Variants in CWC22 observed in about 807,000 individuals in gnomAD.
CWC22 encodes the protein CWC22 spliceosome associated protein.
A neutral mutation model predicts 117.2 loss-of-function variants in CWC22; 53 were observed. The ratio of observed to expected loss-of-function variants is 0.45; its 90% CI spans 0.36 to 0.57. The LOEUF (loss-of-function observed/expected upper bound fraction) is 0.57, where lower values mean the gene tolerates loss of function less well. Among genes scored for constraint, CWC22 ranks in the 20% least tolerant of loss-of-function variants. The probability of loss-of-function intolerance (pLI) is 0.00; values close to 1 mark genes in which losing one functional copy is unlikely to be tolerated. For synonymous variants in CWC22, 360 were observed against 355.6 expected (o/e 1.01, Z -0.14); for missense variants, 980 against 1,068.8 (o/e 0.92, Z 1.16).
In CWC22 at chr2:179,954,247, C is replaced by T. The variant is rs1382473175; in HGVS notation, c.1647G>A (p.Lys549=). The T allele has an allele frequency of 6.2e-7, 1 of 1,612,046 alleles. No individual in the cohort carries two copies. Among genetic ancestry groups the T allele is most frequent in the Non-Finnish European group, 8.5e-7 (1 of 1,178,694 alleles). ...CAGTGTATAAAAGGTGAGCAAACAT[C>T]TTAGCAACATTTCGCAACTTGTTTG... ...LETNKLRNVA[K]MFAHLLYTDS... The change falls in exon 16 of 20, where the codon AAG becomes AAA. Residue 549 remains lysine, a synonymous_variant. Transcript: ENST00000410053.
chr2:179,967,422 C>T (rs1686919779), intron 11 of CWC22, among the ~76,000 whole-genome samples: 1 of 152,178 alleles, frequency 6.6e-6, no homozygotes, highest in Non-Finnish European at 1.5e-5. Flanking sequence ...TCGGGGATCA[C>T]TGAGACCTGT....
At chr2:179,965,820 A>G in intron 12 of CWC22, 58 bp downstream of exon 12, 1 of 1,246,492 alleles carries the variant, frequency 8.0e-7, no homozygotes, top group Admixed American at 2.1e-5. Context: ...TTAGAAGATT[A>G]CATTAGAATT....
At chr2:179,992,168 T>C (rs1397948129) in intron 2 of CWC22, among the ~76,000 whole-genome samples, 1 of 152,188 alleles carries the variant, frequency 6.6e-6, no homozygotes, top group East Asian at 1.9e-4. Context: ...AAAAATACAG[T>C]TCCCCCTTTA....
intron 13 of CWC22, among the ~76,000 whole-genome samples, chr2:179,963,468 G>A (rs377433354): frequency 1.4e-5 from 2 of 138,924 alleles, no homozygotes; most frequent in Non-Finnish European, 3.0e-5. Flanking sequence ...TCAGCCTCCC[G>A]AGTAGCTGGG....
chr2:179,953,179 T>C (rs1043249627), intron 16 of CWC22, among the ~76,000 whole-genome samples: 18 of 152,022 alleles, frequency 1.2e-4, no homozygotes, highest in African/African-American at 3.9e-4. Context: ...CACTTCATTT[T>C]CTCAAAGAGG....
In CWC22 at chr2:179,970,577, A is replaced by C. The variant is rs1425335546; in HGVS notation, c.1148-14T>G. On this transcript the variant is annotated splice_polypyrimidine_tract_variant and intron_variant, in intron 10 of 19. Coordinates refer to ENST00000410053, the MANE Select transcript of CWC22 (RefSeq NM_020943.3). ...TCTTGAAAACATCTAAAAAAAATGT[A>C]AAAGTTAATGTTTATTTTCTATATT... 6.4e-6 allele frequency: 10 copies of C among 1,551,658 alleles called. No individual in the cohort carries two copies. In the African/African-American group the frequency reaches 1.1e-4, roughly 17 times the overall value.
chr2:179,992,429 C>T lies in CWC22; in HGVS notation c.27+886G>A, dbSNP rs569700088. On this transcript the variant is annotated intron_variant, in intron 2 of 19. Coordinates refer to ENST00000410053, the MANE Select transcript of CWC22 (RefSeq NM_020943.3). ...CCAGGCACACTCTTTCCCCAGATAT[C>T]GGCATAGTTAACTCTTACATTTTCA... is the stretch of plus-strand genomic sequence containing the variant. Among the ~76,000 whole-genome samples the T allele has an allele frequency of 5.3e-5, 8 of 152,224 alleles. No individual in the cohort carries two copies. In the South Asian group the frequency reaches 1.0e-3, roughly 20 times the overall value.
chr2:180,005,178 G>A (rs1687941093), intron 1 of CWC22, among the ~76,000 whole-genome samples: 2 of 152,180 alleles, frequency 1.3e-5, no homozygotes, highest in Admixed American at 1.3e-4. Context: ...CAATACACCA[G>A]TGTATTAGAT....
At chr2:180,000,964 A>G (rs1486319831) in intron 1 of CWC22, among the ~76,000 whole-genome samples, 1 of 152,212 alleles carries the variant, frequency 6.6e-6, no homozygotes, top group African/African-American at 2.4e-5. Context: ...AAGTAACCAA[A>G]TAAAGAGTTA....
Position 179,973,768 on chromosome 2 carries a change from T to A in CWC22, c.616A>T (p.Ser206Cys). The change falls in exon 7 of 20, where the codon AGT (serine) becomes TGT (cysteine). Residue 206 changes from serine (S) to cysteine (C), a missense_variant. Transcript: ENST00000410053. Reference sequence around the variant, plus strand: ...ACATGGGTGAAGATTGGAGAAGCACTCTGTGCTTGCAAAACAGACCTGGAC... The same window carrying A: ...ACATGGGTGAAGATTGGAGAAGCACACTGTGCTTGCAAAACAGACCTGGAC... Reference protein sequence around the residue: ...LLSRSVLQAQSASPIFTHVYA... With the variant: ...LLSRSVLQAQCASPIFTHVYA... 1 of 1,609,116 alleles carries A rather than the reference T, an allele frequency of 6.2e-7. No homozygotes were observed.
At chr2:179,994,568 G>A (rs1440819461) in intron 1 of CWC22, among the ~76,000 whole-genome samples, 1 of 152,136 alleles carries the variant, frequency 6.6e-6, no homozygotes, top group Non-Finnish European at 1.5e-5. Context: ...AATGCAGATG[G>A]GGATGTATAC....
At position 179,980,419 on chromosome 2, in the gene CWC22, A is replaced by ATT. The variant is rs34435290; in HGVS notation, c.452+1331_452+1332dup. ...TTCTTTTAGATAAATGACATTTCTTATTTTTTTTTTTTTTTTGAGGCAGAG... is the reference window on the plus strand; with the variant it reads ...TTCTTTTAGATAAATGACATTTCTTATTTTTTTTTTTTTTTTTTGAGGCAGAG... On this transcript the variant is annotated intron_variant, in intron 5 of 19. Coordinates refer to ENST00000410053, the MANE Select transcript of CWC22 (RefSeq NM_020943.3). 3.7e-3 allele frequency among the ~76,000 whole-genome samples: 510 copies of ATT among 136,502 alleles called. 4 individuals carry two copies. Among genetic ancestry groups the ATT allele is most frequent in the East Asian group, 0.018 (86 of 4,704 alleles). The allele number at this position is 136,502 out of a possible 152,430, so 89.6% of individuals were successfully genotyped here.
chr2:179,993,347 G>A lies in CWC22; in HGVS notation c.-6C>T, dbSNP rs1200715071. ...TGTGCCACACTACTTTTCATTTTCT[G>A]TTGCCAGTTGGTCCAATAAATCAAA... On this transcript the variant is annotated 5_prime_UTR_variant, in exon 2 of 20. Transcript: ENST00000410053. 1 of 1,563,040 alleles carries A rather than the reference G, an allele frequency of 6.4e-7. No individual in the cohort carries two copies. Among genetic ancestry groups the A allele is most frequent in the South Asian group, 1.2e-5 (1 of 85,246 alleles).
At chr2:179,955,401 C>G (rs1047265022) in intron 14 of CWC22, among the ~76,000 whole-genome samples, 11 of 151,896 alleles carry the variant, frequency 7.2e-5, no homozygotes, top group African/African-American at 2.7e-4. Flanking sequence ...CTCACCAACA[C>G]AACATCTAAC....
chr2:180,000,611 T>C (rs1053286350), intron 1 of CWC22, among the ~76,000 whole-genome samples: 9 of 152,218 alleles, frequency 5.9e-5, no homozygotes, highest in South Asian at 2.1e-4. Flanking sequence ...TTCATAGTCA[T>C]TGCATATGCC....
intron 19 of CWC22, among the ~76,000 whole-genome samples, chr2:179,948,070 GAGA>G (rs1295823697): frequency 2.0e-5 from 3 of 152,196 alleles, no homozygotes; most frequent in African/African-American, 7.2e-5. Flanking sequence ...AGGTAGGATA[GAGA>G]AGACTGTGGC....
At chr2:179,982,484 C>G (rs1437187409) in intron 4 of CWC22, among the ~76,000 whole-genome samples, 1 of 152,010 alleles carries the variant, frequency 6.6e-6, no homozygotes, top group Non-Finnish European at 1.5e-5. Context: ...GACAAATTAG[C>G]CTGTGGTGTA....
At chr2:179,991,005 A>G (rs889994044) in intron 2 of CWC22, among the ~76,000 whole-genome samples, 16 of 152,218 alleles carry the variant, frequency 1.1e-4, no homozygotes, top group Admixed American at 9.2e-4. Context: ...GAATTTCCCT[A>G]TTTCTTTTAT....
At chr2:179,995,706 CA>C (rs1426132144) in intron 1 of CWC22, among the ~76,000 whole-genome samples, 2 of 152,138 alleles carry the variant, frequency 1.3e-5, no homozygotes, top group Non-Finnish European at 2.9e-5. Context: ...GGAGAATGAA[CA>C]AAAGCAGGCT....
Sources: allele counts gnomAD v4.1 joint callset (sites outside exome capture counted in the v4.1 genomes callset), GRCh38; gene constraint gnomAD v4.1.1; transcripts MANE v1.5; gene names NCBI Gene and HGNC (gene_info 2026-07-23, HGNC 2026-07-21).